The following PCOLCE variants were observed in gnomAD, a reference collection of about 807,000 sequenced individuals.
PCOLCE encodes the protein procollagen C-endopeptidase enhancer 1.
A neutral mutation model predicts 47.2 loss-of-function variants in PCOLCE; 33 were observed. The ratio of observed to expected loss-of-function variants is 0.70; its 90% CI spans 0.53 to 0.93. The LOEUF (loss-of-function observed/expected upper bound fraction) is 0.93, where lower values mean the gene tolerates loss of function less well. Among genes scored for constraint, PCOLCE ranks in the 40% least tolerant of loss-of-function variants. PCOLCE has a pLI of 0.00. For synonymous variants in PCOLCE, 254 were observed against 252.5 expected (o/e 1.01, Z -0.06); for missense variants, 584 against 585.3 (o/e 1.00, Z 0.02).
chr7:100,602,797 A>G (rs1802635131), intron 1 of PCOLCE: 1 of 547,524 alleles, frequency 1.8e-6, no homozygotes, highest in African/African-American at 2.0e-5. Context: ...CCACCCACCC[A>G]GATCCTTGAC....
intron 6 of PCOLCE, 106 bp from the exon 7 acceptor site, chr7:100,607,346 G>C (rs1364613136): frequency 5.7e-6 from 5 of 870,714 alleles, no homozygotes; most frequent in Admixed American, 4.0e-5. Context: ...TGCTAGGACC[G>C]GAAGCCTGAC....
In PCOLCE at chr7:100,606,505, C is replaced by T. The variant is rs1217616705; in HGVS notation, c.815C>T (p.Thr272Ile). The stretch of plus-strand genomic sequence containing the variant: ...GATGGCTTCTCAGCCTCCTACAAGA[C>T]CCTGCCGCGGGGCACTGCCAAAGAA... ...TADGFSASYKTLPRGTAKEGQ... is the reference protein window; with the variant it reads ...TADGFSASYKILPRGTAKEGQ... Residue 272 changes from threonine to isoleucine, a missense_variant, in exon 6 of 9, where the codon ACC becomes ATC. Thr to Ile is a moderately conservative substitution (Grantham distance 89). Transcript: ENST00000223061. The T allele has an allele frequency of 2.5e-6, 4 of 1,614,078 alleles. No homozygotes were observed. The highest frequency in any genetic ancestry group is 1.7e-5 in the Admixed American group (1 of 60,008).
At position 100,604,647 on chromosome 7, in the gene PCOLCE, C is replaced by T. The variant is rs1001110009; in HGVS notation, c.463+430C>T. On this transcript the variant is annotated intron_variant, in intron 3 of 8. Transcript: ENST00000223061. This position sits in a 1 kb window ranked among gnomAD's most constrained non-coding sequence, Gnocchi z 6.4. ...GCTCCCGATTGCGGTCCCATCACCC[C>T]CTCCTGGCGGCAGAAGTCTCCCTTG... is the stretch of plus-strand genomic sequence containing the variant. 3.1e-6 allele frequency: 1 copy of T among 326,208 alleles called. No homozygotes were observed. Among genetic ancestry groups the T allele is most frequent in the Non-Finnish European group, 5.8e-6 (1 of 171,718 alleles). The allele number at this position is 326,208 out of a possible 1,614,324, so 20.2% of individuals were successfully genotyped here. A position where few individuals can be genotyped will look rare whatever the true frequency, so the allele number is the denominator to read the frequency against.
In PCOLCE at chr7:100,605,124, C is replaced by T. The variant is rs1802690079; in HGVS notation, c.497C>T (p.Ala166Val). The change falls in exon 4 of 9, where the codon GCC becomes GTC. Residue 166 changes from alanine (A) to valine (V), a missense_variant. Physicochemically the swap from Ala to Val is moderately conservative, Grantham distance 64. Coordinates refer to ENST00000223061, the MANE Select transcript of PCOLCE (RefSeq NM_002593.4). The surrounding 1 kb of genome is among the most constrained non-coding windows in gnomAD (Gnocchi z 6.1). ...HQFCGGRLEK[A>V]QGTLTTPNWP... ...TTTTGCGGGGGGCGGCTGGAGAAGG[C>T]CCAGGGAACCCTGACCACGCCCAAC... is the stretch of plus-strand genomic sequence containing the variant. The T allele has an allele frequency of 1.2e-6, 2 of 1,612,458 alleles. No individual in the cohort carries two copies. Among genetic ancestry groups the T allele is most frequent in the African/African-American group, 1.3e-5 (1 of 74,904 alleles).
chr7:100,604,066 C>CG lies in PCOLCE; in HGVS notation c.314dup (p.Gln106ProfsTer30). On this transcript the variant is annotated frameshift_variant, in exon 3 of 9. Transcript: ENST00000223061. LOFTEE classifies it high-confidence loss of function. The surrounding 1 kb of genome is among the most constrained non-coding windows in gnomAD (Gnocchi z 6.4). ...AGGTCTTCGCTGGGTCTGGGACTTC[C>CG]GGCCAGCGGCTCGGACGCTTTTGTG... 6.2e-7 allele frequency: 1 copy of CG among 1,609,160 alleles called. No individual in the cohort carries two copies. Among genetic ancestry groups the CG allele is most frequent in the Non-Finnish European group, 8.5e-7 (1 of 1,180,004 alleles).
Position 100,604,795 on chromosome 7 carries a change from G to C in PCOLCE, c.464-296G>C, listed in dbSNP as rs987881347. ...GCCGGGGAGATGGGATCTCCTAGGGGAAGAGGCGCGGTGCGGCCGCGGGTC... is the reference window on the plus strand; with the variant it reads ...GCCGGGGAGATGGGATCTCCTAGGGCAAGAGGCGCGGTGCGGCCGCGGGTC... On this transcript the variant is annotated intron_variant, in intron 3 of 8. Transcript: ENST00000223061. The surrounding 1 kb of genome is among the most constrained non-coding windows in gnomAD (Gnocchi z 6.4). The C allele has an allele frequency of 4.4e-6, 2 of 451,296 alleles. No homozygotes were observed. The highest frequency in any genetic ancestry group is 8.1e-6 in the Non-Finnish European group (2 of 247,802). 28.0% of individuals were successfully genotyped at this position (451,296 alleles called of 1,614,324 possible).
chr7:100,606,578 G>C lies in PCOLCE; in HGVS notation c.888G>C (p.Leu296=). ...GGGGAACTGAGCCTAAAGTCAAGCT[G>C]CCCCCCAAGTCCCAACCTCCGGAGA... ...PKRGTEPKVK[L]PPKSQPPEKT... is the part of the protein sequence containing the mutation. Residue 296 remains leucine, a synonymous_variant, in exon 6 of 9, where the codon CTG becomes CTC. Coordinates refer to ENST00000223061, the MANE Select transcript of PCOLCE (RefSeq NM_002593.4). The C allele has an allele frequency of 3.7e-6, 6 of 1,613,906 alleles. No individual in the cohort carries two copies. The highest frequency in any genetic ancestry group is 4.2e-6 in the Non-Finnish European group (5 of 1,179,810).
Position 100,604,778 on chromosome 7 carries a change from G to C in PCOLCE, c.464-313G>C, listed in dbSNP as rs1194900453. 4 of 405,370 alleles carry C rather than the reference G, an allele frequency of 9.9e-6. No individual in the cohort carries two copies. The highest frequency in any genetic ancestry group is 1.8e-5 in the Non-Finnish European group (4 of 220,928). 25.1% of individuals were successfully genotyped at this position (405,370 alleles called of 1,614,324 possible). A position where few individuals can be genotyped will look rare whatever the true frequency, so the allele number is the denominator to read the frequency against. On this transcript the variant is annotated intron_variant, in intron 3 of 8. Coordinates refer to ENST00000223061, the MANE Select transcript of PCOLCE (RefSeq NM_002593.4). This position sits in a 1 kb window ranked among gnomAD's most constrained non-coding sequence, Gnocchi z 6.4. ...GGGGACTCTGCTGCAGGGCCGGGGA[G>C]ATGGGATCTCCTAGGGGAAGAGGCG...
chr7:100,608,157 A>C lies in PCOLCE; in HGVS notation c.*54A>C. Reference sequence around the variant, plus strand: ...TCAGGCCTTCTTTCTTATCCAAATAAATGTTTCTTAATGAGGAATGGGTCA... The same window carrying C: ...TCAGGCCTTCTTTCTTATCCAAATACATGTTTCTTAATGAGGAATGGGTCA... On this transcript the variant is annotated 3_prime_UTR_variant, in exon 9 of 9. Transcript: ENST00000223061. The C allele has an allele frequency of 6.9e-7, 1 of 1,449,028 alleles. No individual in the cohort carries two copies. The highest frequency in any genetic ancestry group is 9.6e-7 in the Non-Finnish European group (1 of 1,046,580). 89.8% of individuals were successfully genotyped at this position (1,449,028 alleles called of 1,614,324 possible). A position where few individuals can be genotyped will look rare whatever the true frequency, so the allele number is the denominator to read the frequency against.
chr7:100,606,491 A>C lies in PCOLCE; in HGVS notation c.801A>C (p.Ser267=). ...SDLSVTADGF[S]ASYKTLPRGT... ...TCAGTGTCACCGCTGATGGCTTCTC[A>C]GCCTCCTACAAGACCCTGCCGCGGG... Residue 267 remains serine (S), a synonymous_variant, in exon 6 of 9, where the codon TCA becomes TCC. Transcript: ENST00000223061. 1 of 1,614,154 alleles carries C rather than the reference A, an allele frequency of 6.2e-7. No individual in the cohort carries two copies. Among genetic ancestry groups the C allele is most frequent in the Non-Finnish European group, 8.5e-7 (1 of 1,180,000 alleles).
chr7:100,603,201 A>C (rs1802644135), intron 1 of PCOLCE: 2 of 435,672 alleles, frequency 4.6e-6, no homozygotes, highest in African/African-American at 2.1e-5. Context: ...TTGGGGTTGG[A>C]GGGATGGTCG....
intron 2 of PCOLCE, 200 bp downstream of exon 2, chr7:100,603,738 C>A: frequency 1.6e-6 from 1 of 612,882 alleles, no homozygotes; most frequent in Non-Finnish European, 2.9e-6. Flanking sequence ...CTTCATTCTC[C>A]AGTCCCCGGC....
At position 100,608,113 on chromosome 7, in the gene PCOLCE, C is replaced by A; in HGVS notation, c.*10C>A. 1 of 1,611,054 alleles carries A rather than the reference C, an allele frequency of 6.2e-7. No individual in the cohort carries two copies. Among genetic ancestry groups the A allele is most frequent in the Non-Finnish European group, 8.5e-7 (1 of 1,178,420 alleles). On this transcript the variant is annotated 3_prime_UTR_variant, in exon 9 of 9. Coordinates refer to ENST00000223061, the MANE Select transcript of PCOLCE (RefSeq NM_002593.4). ...TGCGTCCCAGGACTGAGACGCAGGC[C>A]AGCCCCGGCCCCTAGCCCTCAGGCC...
chr7:100,602,861 T>G, intron 1 of PCOLCE: 1 of 432,228 alleles, frequency 2.3e-6, no homozygotes, highest in Non-Finnish European at 4.1e-6. Flanking sequence ...GGTAGCTGGA[T>G]TCCAGGAAGG....
chr7:100,606,318 G>A, intron 5 of PCOLCE, 98 bp from the exon 6 acceptor site: 1 of 792,042 alleles, frequency 1.3e-6, no homozygotes, highest in East Asian at 2.7e-5. Flanking sequence ...GACAAAGTGA[G>A]ACCCTGTCTC....
Position 100,605,173 on chromosome 7 carries a change from G to A in PCOLCE, c.546G>A (p.Pro182=), listed in dbSNP as rs774617013. 4 of 1,612,516 alleles carry A rather than the reference G, an allele frequency of 2.5e-6. No individual in the cohort carries two copies. The highest frequency in any genetic ancestry group is 1.1e-5 in the South Asian group (1 of 91,006). The change falls in exon 4 of 9, where the codon CCG becomes CCA. Residue 182 remains proline (P), a synonymous_variant. Coordinates refer to ENST00000223061, the MANE Select transcript of PCOLCE (RefSeq NM_002593.4). This position sits in a 1 kb window ranked among gnomAD's most constrained non-coding sequence, Gnocchi z 6.1. ...ACTGGCCCGAGTCCGATTACCCCCC[G>A]GGCATCAGCTGTTCCTGGCACATCA... is the stretch of plus-strand genomic sequence containing the variant. The part of the protein sequence containing the change: ...TPNWPESDYP[P]GISCSWHIIA...
chr7:100,605,507 T>A lies in PCOLCE; in HGVS notation c.589-169T>A. 3.7e-6 allele frequency: 3 copies of A among 810,276 alleles called. No homozygotes were observed. Among genetic ancestry groups the A allele is most frequent in the South Asian group, 1.8e-5 (1 of 55,088 alleles). 50.2% of individuals were successfully genotyped at this position (810,276 alleles called of 1,614,324 possible). A position where few individuals can be genotyped will look rare whatever the true frequency, so the allele number is the denominator to read the frequency against. ...CACGACGACCGACACCCCTGCAGGG[T>A]CCCATGGGTGTGTGTGGTCCTCCGT... On this transcript the variant is annotated intron_variant, in intron 4 of 8. Transcript: ENST00000223061. The surrounding 1 kb of genome is among the most constrained non-coding windows in gnomAD (Gnocchi z 6.1).
At chr7:100,603,609 C>A (rs1457503014) in intron 2 of PCOLCE, 71 bp downstream of exon 2, 4 of 515,878 alleles carry the variant, frequency 7.8e-6, no homozygotes, top group African/African-American at 3.4e-5. Context: ...GCGAAGGGAC[C>A]CCCCCCCCGT....
intron 6 of PCOLCE, among the ~76,000 whole-genome samples, chr7:100,607,039 C>T (rs1050469620): frequency 2.0e-4 from 30 of 149,704 alleles, no homozygotes; most frequent in African/African-American, 6.0e-4. Flanking sequence ...TGTAGTGAGC[C>T]GAGATTGTGC....
Sources: gnomAD v4.1 joint callset for allele counts (sites outside exome capture counted in the v4.1 genomes callset) on GRCh38, gnomAD v4.1.1 for gene constraint, Gnocchi (gnomAD v3.1) non-coding constraint, MANE v1.5 for transcripts, NCBI Gene and HGNC (gene_info 2026-07-23, HGNC 2026-07-21) for gene names.